METTL25: variants seen among roughly 807,000 people sequenced by gnomAD.
METTL25 encodes the protein methyltransferase like 25.
METTL25 carries 64 observed loss-of-function variants against 71.6 expected under a neutral mutation model. The observed-to-expected ratio is 0.89, with a 90% CI of 0.73 to 1.10. The LOEUF is 1.10. METTL25 is among the 50% of genes least tolerant of loss of function. The probability of loss-of-function intolerance (pLI) is 0.00; values close to 1 mark genes in which losing one functional copy is unlikely to be tolerated. For missense variants in METTL25, 807 were observed against 707.0 expected, an observed-to-expected ratio of 1.14 and a Z score of -1.60; for synonymous variants, 287 against 250.3, an observed-to-expected ratio of 1.15 and a Z score of -1.38.
chr12:82,407,855 A>G, intron 5 of METTL25: 1 of 985,378 alleles, frequency 1.0e-6, no homozygotes, highest in Non-Finnish European at 1.2e-6. Context: ...TCTCATCTCA[A>G]AAACCAGATG....
At chr12:82,406,000 T>C (rs929739278) in intron 5 of METTL25, among the ~76,000 whole-genome samples, 2 of 152,214 alleles carry the variant, frequency 1.3e-5, no homozygotes, top group Non-Finnish European at 2.9e-5. Context: ...GAGCAGCTAC[T>C]ATTTTCAAGG....
intron 8 of METTL25, among the ~76,000 whole-genome samples, chr12:82,440,846 A>G (rs1392824728): frequency 6.6e-6 from 1 of 152,034 alleles, no homozygotes; most frequent in African/African-American, 2.4e-5. Flanking sequence ...TCAGAGACCT[A>G]TTGAAGTAGG....
At chr12:82,370,138 G>T (rs1883057375) in intron 1 of METTL25, among the ~76,000 whole-genome samples, 1 of 152,178 alleles carries the variant, frequency 6.6e-6, no homozygotes, top group Non-Finnish European at 1.5e-5. Context: ...TGAAGAAGGA[G>T]CCCTGCAGTT....
chr12:82,426,982 A>C (rs1889081694), intron 5 of METTL25, among the ~76,000 whole-genome samples: 1 of 151,922 alleles, frequency 6.6e-6, no homozygotes, highest in Non-Finnish European at 1.5e-5. Context: ...CTACCACCAG[A>C]GCCTGAGGAC....
At chr12:82,426,703 A>G (rs186999914) in intron 5 of METTL25, among the ~76,000 whole-genome samples, 69 of 152,096 alleles carry the variant, frequency 4.5e-4, no homozygotes, top group African/African-American at 1.6e-3. Context: ...CACTTCTCCA[A>G]TCACAGCCCC....
At chr12:82,457,761 A>G (rs1480662507) in intron 9 of METTL25, among the ~76,000 whole-genome samples, 1 of 152,092 alleles carries the variant, frequency 6.6e-6, no homozygotes, top group African/African-American at 2.4e-5. Context: ...TAACAACACA[A>G]TCAACATGAT....
intron 5 of METTL25, among the ~76,000 whole-genome samples, chr12:82,405,487 C>T (rs1366791168): frequency 6.6e-6 from 1 of 151,918 alleles, no homozygotes; most frequent in African/African-American, 2.4e-5. Flanking sequence ...TTGGATTCTT[C>T]AATCTCATAC....
chr12:82,426,975 C>T (rs1326090842), intron 5 of METTL25, among the ~76,000 whole-genome samples: 1 of 151,940 alleles, frequency 6.6e-6, no homozygotes, highest in African/African-American at 2.4e-5. Flanking sequence ...ATATTAGCTA[C>T]CACCAGAGCC....
chr12:82,420,421 G>T (rs1050739550), intron 5 of METTL25, among the ~76,000 whole-genome samples: 3 of 152,106 alleles, frequency 2.0e-5, no homozygotes, highest in African/African-American at 7.2e-5. Flanking sequence ...CATTGCTAAT[G>T]ATGCTGGCTT....
intron 5 of METTL25, among the ~76,000 whole-genome samples, chr12:82,427,225 T>G (rs1889102812): frequency 6.6e-6 from 1 of 151,992 alleles, no homozygotes; most frequent in African/African-American, 2.4e-5. Context: ...CCCACATTCC[T>G]TGTATGGAAT....
intron 8 of METTL25, among the ~76,000 whole-genome samples, chr12:82,444,412 A>G (rs909128983): frequency 6.6e-6 from 1 of 152,222 alleles, no homozygotes; most frequent in Non-Finnish European, 1.5e-5. Flanking sequence ...GGAGTTCTTC[A>G]GTCGGAAAGA....
chr12:82,479,165 CAG>C lies in METTL25; in HGVS notation c.*143_*144del, dbSNP rs1893057197. On this transcript the variant is annotated 3_prime_UTR_variant, in exon 12 of 12. Coordinates refer to ENST00000248306, the MANE Select transcript of METTL25 (RefSeq NM_032230.3). ...TAAATAATAAAATAATGGCTAACAA[CAG>C]AAGGTTATAATCCATTTTTCCATTG... 3 of 572,618 alleles carry C rather than the reference CAG, an allele frequency of 5.2e-6. No individual in the cohort carries two copies. The African/African-American group carries it at 5.6e-5, about 11-fold the overall frequency. 35.5% of individuals were successfully genotyped at this position (572,618 alleles called of 1,614,324 possible).
At chr12:82,375,936 C>T (rs1489862385) in intron 1 of METTL25, among the ~76,000 whole-genome samples, 1 of 152,136 alleles carries the variant, frequency 6.6e-6, no homozygotes, top group African/African-American at 2.4e-5. Context: ...ACAGGTATGA[C>T]CTCTGCCTTC....
intron 9 of METTL25, among the ~76,000 whole-genome samples, chr12:82,469,573 C>G (rs1006375469): frequency 6.6e-6 from 1 of 151,918 alleles, no homozygotes; most frequent in African/African-American, 2.4e-5. Flanking sequence ...CAGGTCCCTC[C>G]CAGGACACGT....
At chr12:82,406,507 A>G (rs1020453386) in intron 5 of METTL25, among the ~76,000 whole-genome samples, 1 of 152,132 alleles carries the variant, frequency 6.6e-6, no homozygotes, top group Non-Finnish European at 1.5e-5. Context: ...ACGTTGCTTT[A>G]GTCTTTTTCA....
At chr12:82,477,939 C>T (rs1009349964) in intron 11 of METTL25, among the ~76,000 whole-genome samples, 3 of 151,678 alleles carry the variant, frequency 2.0e-5, no homozygotes, top group Non-Finnish European at 4.4e-5. Flanking sequence ...ATGGACTCAC[C>T]GAATGTTTCC....
Position 82,427,715 on chromosome 12 carries a change from T to A in METTL25, c.1280-3178T>A, listed in dbSNP as rs1411978709. Among the ~76,000 whole-genome samples, 3 of 151,988 alleles carry A rather than the reference T, an allele frequency of 2.0e-5. No individual in the cohort carries two copies. In the East Asian group the frequency reaches 5.8e-4, roughly 29 times the overall value. On this transcript the variant is annotated intron_variant, in intron 5 of 11. Coordinates refer to ENST00000248306, the MANE Select transcript of METTL25 (RefSeq NM_032230.3). ...TGTGTTAATTAGAACAGAGATGTTTTATGGGTATTCCTGAGATATTGTTTC... is the reference window on the plus strand; with the variant it reads ...TGTGTTAATTAGAACAGAGATGTTTAATGGGTATTCCTGAGATATTGTTTC...
intron 1 of METTL25, among the ~76,000 whole-genome samples, chr12:82,361,380 G>C (rs1423120325): frequency 6.6e-6 from 1 of 152,236 alleles, no homozygotes; most frequent in African/African-American, 2.4e-5. Context: ...TGGGGCTGCA[G>C]GTGGAGCTGC....
chr12:82,441,786 CAA>C (rs201386289), intron 8 of METTL25, among the ~76,000 whole-genome samples: 27 of 62,612 alleles, frequency 4.3e-4, no homozygotes, highest in Admixed American at 7.2e-4. Flanking sequence ...CATACTATAG[CAA>C]AAAAAAAAAA....
Sources: allele counts gnomAD v4.1 joint callset (sites outside exome capture counted in the v4.1 genomes callset), GRCh38; gene constraint gnomAD v4.1.1; transcripts MANE v1.5; gene names NCBI Gene and HGNC (gene_info 2026-07-23, HGNC 2026-07-21).